MTRR: variants seen among roughly 807,000 people sequenced by gnomAD.
MTRR encodes 5-methyltetrahydrofolate-homocysteine methyltransferase reductase.
A neutral mutation model predicts 79.2 loss-of-function variants in MTRR; 63 were observed. The observed-to-expected ratio is 0.80, with a 90% CI of 0.65 to 0.98. MTRR has a LOEUF of 0.98. Among genes scored for constraint, MTRR ranks in the 50% least tolerant of loss-of-function variants. The pLI, the probability that MTRR is intolerant of heterozygous loss-of-function variation, is 0.00. For synonymous variants in MTRR, 355 were observed against 313.3 expected, an observed-to-expected ratio of 1.13 and a Z score of -1.41; for missense variants, 895 against 839.6, an observed-to-expected ratio of 1.07 and a Z score of -0.82.
intron 5 of MTRR, among the ~76,000 whole-genome samples, chr5:7,880,238 TTTGCAGGTG>T (rs1391581585): frequency 6.6e-5 from 10 of 152,230 alleles, no homozygotes; most frequent in African/African-American, 2.4e-4. Flanking sequence ...AGTGTGGTGC[TTTGCAGGTG>T]TTCCACATTT....
intron 1 of MTRR, among the ~76,000 whole-genome samples, chr5:7,853,238 A>G (rs1746128404): frequency 6.6e-6 from 1 of 152,140 alleles, no homozygotes; most frequent in East Asian, 1.9e-4. Context: ...ACAGGATCTG[A>G]TGGTTTTATA....
In MTRR at chr5:7,897,084, C is replaced by A. The variant is rs755408035; in HGVS notation, c.1789C>A (p.Leu597Ile). The change falls in exon 14 of 15, where the codon CTT (leucine) becomes ATT (isoleucine). Residue 597 changes from leucine to isoleucine, a missense_variant. Coordinates refer to ENST00000440940, the MANE Select transcript of MTRR (RefSeq NM_002454.3). The part of the protein sequence containing the change: ...YLFRKELRHF[L>I]KHGILTHLKV... ...TTTCAGAAAAGAGCTCAGACATTTCCTTAAGCATGGGATCTTAACTCATCT... is the reference window on the plus strand; with the variant it reads ...TTTCAGAAAAGAGCTCAGACATTTCATTAAGCATGGGATCTTAACTCATCT... 1.4e-5 allele frequency: 23 copies of A among 1,613,978 alleles called. No homozygotes were observed. The highest frequency in any genetic ancestry group is 4.0e-5 in the African/African-American group (3 of 74,886).
intron 2 of MTRR, among the ~76,000 whole-genome samples, chr5:7,862,265 T>C (rs1435321175): frequency 6.6e-6 from 1 of 152,174 alleles, no homozygotes; most frequent in Non-Finnish European, 1.5e-5. Context: ...ACTTGGAGTC[T>C]CTTGTCAGTG....
At chr5:7,891,119 C>T (rs187539557) in intron 9 of MTRR, among the ~76,000 whole-genome samples, 4 of 152,156 alleles carry the variant, frequency 2.6e-5, no homozygotes, top group East Asian at 1.9e-4. Context: ...TTTTAAAATT[C>T]GCCTTTGGGT....
upstream of MTRR, chr5:7,867,851 C>T (rs1456192321): frequency 6.2e-7 from 1 of 1,614,132 alleles, no homozygotes; most frequent in Non-Finnish European, 8.5e-7. Context: ...GAACACTGGT[C>T]CACCGAGTGG....
chr5:7,867,036 AT>A (rs777681554), upstream of MTRR: 1 of 1,614,150 alleles, frequency 6.2e-7, no homozygotes, highest in Non-Finnish European at 8.5e-7. Context: ...TTTGTAAAAA[AT>A]GTGTCATGGT....
At chr5:7,885,978 G>C (rs1268523550) in intron 7 of MTRR, 124 bp downstream of exon 7, 1 of 1,289,566 alleles carries the variant, frequency 7.8e-7, no homozygotes, top group African/African-American at 1.5e-5. Context: ...GGGCTCAGCT[G>C]CGCATCAAGG....
upstream of MTRR, chr5:7,868,198 TGGAAA>T: frequency 3.9e-6 from 1 of 256,684 alleles, no homozygotes; most frequent in Non-Finnish European, 6.1e-6. Context: ...AACGAGTATC[TGGAAA>T]AAAAAAAAAA....
In MTRR at chr5:7,883,883, A is replaced by G. The variant is rs187296284; in HGVS notation, c.903+606A>G. 7.4e-3 allele frequency among the ~76,000 whole-genome samples: 1,126 copies of G among 152,360 alleles called. 5 individuals carry two copies. The highest frequency in any genetic ancestry group is 0.012 in the Non-Finnish European group (819 of 68,042). On this transcript the variant is annotated intron_variant, in intron 6 of 14. Transcript: ENST00000440940. The stretch of plus-strand genomic sequence containing the variant: ...ACTAAGGTCAGCCAGGAAGTTAGAA[A>G]TAGAGCCTAAGGTCAAACGAGGTGG...
chr5:7,893,439 A>G (rs1447239572), intron 11 of MTRR: 1 of 163,898 alleles, frequency 6.1e-6, no homozygotes, highest in African/African-American at 2.4e-5. Context: ...GCCATTATTG[A>G]GAAGACATAT....
chr5:7,898,935 C>T (rs555656379), intron 14 of MTRR, among the ~76,000 whole-genome samples: 3 of 152,222 alleles, frequency 2.0e-5, no homozygotes, highest in South Asian at 2.1e-4. Context: ...AATGGGCTCA[C>T]GGTTTAGGCT....
rs1579574327 is a variant in MTRR at position 7,869,162 on chromosome 5, CA to C, written c.-77del. On this transcript the variant is annotated 5_prime_UTR_variant, in exon 1 of 15. Transcript: ENST00000440940. ...GGCGCTGCGTCAGTGCGCGCTGGCG[CA>C]AGGTTGGTGGAAGTCGCGTTGTGCA... 2.5e-6 allele frequency: 4 copies of C among 1,612,934 alleles called. No homozygotes were observed. The East Asian group carries it at 8.9e-5, about 36-fold the overall frequency.
chr5:7,857,727 G>C (rs1746291913), intron 1 of MTRR, among the ~76,000 whole-genome samples: 1 of 152,178 alleles, frequency 6.6e-6, no homozygotes, highest in African/African-American at 2.4e-5. Flanking sequence ...AAGGGCAGGG[G>C]CTCTTTCCTA....
chr5:7,872,968 A>G (rs1748244522), intron 2 of MTRR, among the ~76,000 whole-genome samples: 2 of 152,096 alleles, frequency 1.3e-5, no homozygotes, highest in Admixed American at 6.5e-5. Flanking sequence ...ATTTGAGCTC[A>G]TGTTAATGTT....
At chr5:7,854,352 T>C (rs1487133776) in intron 1 of MTRR, among the ~76,000 whole-genome samples, 1 of 148,254 alleles carries the variant, frequency 6.7e-6, no homozygotes, top group Non-Finnish European at 1.5e-5. Context: ...TATGTAAAGA[T>C]ATATATTATA....
intron 5 of MTRR, among the ~76,000 whole-genome samples, chr5:7,882,898 C>T (rs1461254154): frequency 6.6e-6 from 1 of 152,214 alleles, no homozygotes; most frequent in African/African-American, 2.4e-5. Flanking sequence ...TAGATCTTTA[C>T]ATGAACATGC....
intron 9 of MTRR, chr5:7,890,282 C>T: frequency 1.0e-6 from 1 of 985,318 alleles, no homozygotes; most frequent in Non-Finnish European, 1.2e-6. Context: ...CTTAGGACCT[C>T]CCCAAAATGC....
chr5:7,885,941 C>A lies in MTRR; in HGVS notation c.1057+87C>A, dbSNP rs1200412216. Reference sequence around the variant, plus strand: ...AGAGTGTGGCTCTAAGGTTCAGGGTCCTGTGTGTTGGCCGCACAGATGCCT... The same window carrying A: ...AGAGTGTGGCTCTAAGGTTCAGGGTACTGTGTGTTGGCCGCACAGATGCCT... On this transcript the variant is annotated intron_variant, in intron 7 of 14. Coordinates refer to ENST00000440940, the MANE Select transcript of MTRR (RefSeq NM_002454.3). 3.8e-6 allele frequency: 6 copies of A among 1,575,066 alleles called. No individual in the cohort carries two copies. The African/African-American group carries it at 8.1e-5, about 21-fold the overall frequency.
intron 9 of MTRR, among the ~76,000 whole-genome samples, chr5:7,890,852 T>C (rs1737425358): frequency 6.6e-6 from 1 of 152,334 alleles, no homozygotes; most frequent in Middle Eastern, 3.4e-3. Context: ...TTTTGATAAA[T>C]TTTTAAAAAC....
Sources: gnomAD v4.1 joint callset for allele counts (sites outside exome capture counted in the v4.1 genomes callset) on GRCh38, gnomAD v4.1.1 for gene constraint, MANE v1.5 for transcripts, NCBI Gene and HGNC (gene_info 2026-07-23, HGNC 2026-07-21) for gene names.